Variants in ZNF426 observed in about 807,000 individuals in gnomAD.
ZNF426 encodes CTC-543D15.7.
Under a neutral mutation model 24.0 loss-of-function variants are expected in ZNF426, and 23 were observed. That is an observed-to-expected ratio of 0.96 (90% CI 0.69 to 1.36). ZNF426 has a LOEUF of 1.36. Ranked by LOEUF, ZNF426 falls within the 40% of genes most tolerant of loss-of-function variation. ZNF426 has a pLI of 0.00. For missense variants in ZNF426, 646 were observed against 658.4 expected (o/e 0.98, Z 0.21); for synonymous variants, 272 against 224.6 (o/e 1.21, Z -1.89).
chr19:9,535,338 C>G (rs769910667), intron 3 of ZNF426, 59 bp from the exon 4 acceptor site: 40 of 1,260,280 alleles, frequency 3.2e-5, no homozygotes, highest in Non-Finnish European at 4.6e-5. Flanking sequence ...CATCCACCTA[C>G]CTAGAGGTCA....
intron 5 of ZNF426, 112 bp downstream of exon 5, chr19:9,533,728 T>C (rs2073922287): frequency 1.4e-6 from 2 of 1,421,022 alleles, no homozygotes; most frequent in South Asian, 1.2e-5. Flanking sequence ...ACAGGGACTA[T>C]GTCTCTGTTA....
At position 9,536,385 on chromosome 19, in the gene ZNF426, C is replaced by T. The variant is rs2073965995; in HGVS notation, c.-124-29G>A. On this transcript the variant is annotated intron_variant, in intron 2 of 7. Coordinates refer to ENST00000253115, the MANE Select transcript of ZNF426 (RefSeq NM_024106.3). ...TTGGTATTAATCAATAATCAACAAG[C>T]AGTACTTAATCATCAGCCATCAAAC... The T allele has an allele frequency of 1.9e-6, 3 of 1,544,604 alleles. No homozygotes were observed. In the African/African-American group the frequency reaches 4.1e-5, roughly 21 times the overall value.
In ZNF426 at chr19:9,529,348, A is replaced by C; in HGVS notation, c.697T>G (p.Phe233Val). The C allele has an allele frequency of 6.2e-7, 1 of 1,614,216 alleles. No homozygotes were observed. The highest frequency in any genetic ancestry group is 1.1e-5 in the South Asian group (1 of 91,068). The change falls in exon 8 of 8, where the codon TTC becomes GTC. Residue 233 changes from phenylalanine (F) to valine (V), a missense_variant. Phe to Val is a conservative substitution (Grantham distance 50). Coordinates refer to ENST00000253115, the MANE Select transcript of ZNF426 (RefSeq NM_024106.3). ...SFECSHCGKS[F>V]INESYLQAHM... ...GCCTGAAGGTATGACTCATTAATGA[A>C]GGATTTTCCACAGTGACTACATTCA...
chr19:9,529,718 AAT>A, intron 7 of ZNF426, 82 bp from the exon 8 acceptor site: 1 of 1,355,456 alleles, frequency 7.4e-7, no homozygotes. Context: ...GAAACATTAT[AAT>A]GGTGATTATA....
In ZNF426 at chr19:9,532,402, T is replaced by C. The variant is rs116364217; in HGVS notation, c.325+443A>G. 7.4e-3 allele frequency among the ~76,000 whole-genome samples: 1,100 copies of C among 148,744 alleles called. 23 individuals are homozygous for C. The highest frequency in any genetic ancestry group is 0.026 in the African/African-American group (1,060 of 40,518). On this transcript the variant is annotated intron_variant, in intron 6 of 7. Coordinates refer to ENST00000253115, the MANE Select transcript of ZNF426 (RefSeq NM_024106.3). ...GCCTTGACCTCCTAGTCTCAATCCA[T>C]CCTCACAGCTCAGTCTCCTGAGTTA...
At chr19:9,537,265 C>T (rs1029688886) in intron 2 of ZNF426, among the ~76,000 whole-genome samples, 1 of 151,866 alleles carries the variant, frequency 6.6e-6, no homozygotes, top group African/African-American at 2.4e-5. Context: ...ATCCATGAAC[C>T]AAATTCACAA....
chr19:9,533,729 GTC>G (rs765555638), intron 5 of ZNF426, 109 bp downstream of exon 5: 51 of 1,458,196 alleles, frequency 3.5e-5, no homozygotes, highest in Non-Finnish European at 3.9e-5. Context: ...CAGGGACTAT[GTC>G]TCTGTTATTT....
intron 2 of ZNF426, among the ~76,000 whole-genome samples, chr19:9,536,993 C>A (rs1020933074): frequency 1.3e-5 from 2 of 151,732 alleles, no homozygotes; most frequent in Non-Finnish European, 2.9e-5. Flanking sequence ...ATTAGCCGGG[C>A]GTGGTGTGCG....
rs201380312 is a variant in ZNF426 at position 9,536,225 on chromosome 19, G to A, written c.8C>T (p.Ala3Val). Residue 3 changes from alanine to valine, a missense_variant, in exon 3 of 8, where the codon GCT becomes GTT. Physicochemically the swap from Ala to Val is moderately conservative, Grantham distance 64. Transcript: ENST00000253115. Reference sequence around the variant, plus strand: ...GAGCTTACCATGGGACAAATCAGCAGCTGCCATCCCGCGAGGTGAGAACGT... The same window carrying A: ...GAGCTTACCATGGGACAAATCAGCAACTGCCATCCCGCGAGGTGAGAACGT... MA[A>V]ADLSHGHYLS... 1 of 1,614,184 alleles carries A rather than the reference G, an allele frequency of 6.2e-7. No homozygotes were observed. The highest frequency in any genetic ancestry group is 2.2e-5 in the East Asian group (1 of 44,882).
chr19:9,531,812 G>A (rs1010121572), intron 6 of ZNF426, among the ~76,000 whole-genome samples: 5 of 152,064 alleles, frequency 3.3e-5, no homozygotes, highest in South Asian at 4.1e-4. Context: ...GTGAAACCCC[G>A]TCTCTACTAA....
In ZNF426 at chr19:9,533,870, G is replaced by C. The variant is rs1239685721; in HGVS notation, c.214C>G (p.Leu72Val). Residue 72 changes from leucine (L) to valine (V), a missense_variant, in exon 5 of 8, where the codon CTG (leucine) becomes GTG (valine). Transcript: ENST00000253115. ...GTGGCCAGGTTCTTGTAGTTCTCCA[G>C]CATCACGTCACTGTAGAGGCTTCTC... Reference protein sequence around the residue: ...TQRSLYSDVMLENYKNLATVG... With the variant: ...TQRSLYSDVMVENYKNLATVG... 1.5e-5 allele frequency: 25 copies of C among 1,614,142 alleles called. No individual in the cohort carries two copies. Among genetic ancestry groups the C allele is most frequent in the Non-Finnish European group, 1.9e-5 (22 of 1,179,988 alleles).
In ZNF426 at chr19:9,529,004, C is replaced by A; in HGVS notation, c.1041G>T (p.Gln347His). 1.2e-6 allele frequency: 2 copies of A among 1,611,988 alleles called. No homozygotes were observed. The highest frequency in any genetic ancestry group is 1.7e-6 in the Non-Finnish European group (2 of 1,179,310). ...GTACATGCATACTAAGGCCCGAGTA[C>A]TGAGTGAAGGCTTTCCCACATTCCT... ...VCKECGKAFT[Q>H]YSGLSMHVRS... The change falls in exon 8 of 8, where the codon CAG becomes CAT. Residue 347 changes from glutamine to histidine, a missense_variant. Transcript: ENST00000253115.
intron 2 of ZNF426, among the ~76,000 whole-genome samples, chr19:9,537,593 T>A (rs1415106116): frequency 7.3e-6 from 1 of 136,078 alleles, no homozygotes; most frequent in Non-Finnish European, 1.6e-5. Context: ...CCCAGCCAGC[T>A]TTTTTTTTTT....
chr19:9,528,347 C>G lies in ZNF426; in HGVS notation c.*33G>C. 1 of 1,535,454 alleles carries G rather than the reference C, an allele frequency of 6.5e-7. No homozygotes were observed. The highest frequency in any genetic ancestry group is 8.8e-7 in the Non-Finnish European group (1 of 1,142,066). ...TAAAGTGAACTGGAACAAATGAGAG[C>G]TTTCCCACATTTATTACATGGACAG... On this transcript the variant is annotated 3_prime_UTR_variant, in exon 8 of 8. Transcript: ENST00000253115.
chr19:9,536,212 G>A lies in ZNF426; in HGVS notation c.21C>T (p.Ser7=), dbSNP rs2073963093. 6.2e-7 allele frequency: 1 copy of A among 1,613,958 alleles called. No homozygotes were observed. The highest frequency in any genetic ancestry group is 8.5e-7 in the Non-Finnish European group (1 of 1,180,028). The change falls in exon 3 of 8, where the codon TCC becomes TCT. Residue 7 remains serine (S), a synonymous_variant. Transcript: ENST00000253115. The stretch of plus-strand genomic sequence containing the variant: ...AAAAAGAGCAACAGAGCTTACCATG[G>A]GACAAATCAGCAGCTGCCATCCCGC... MAAADL[S]HGHYLSGDPV... is the part of the protein sequence containing the mutation.
In ZNF426 at chr19:9,525,088, A is replaced by T. The variant is rs1264783622; in HGVS notation, c.*3292T>A. 6.6e-6 allele frequency: 1 copy of T among 151,086 alleles called. No individual in the cohort carries two copies. The highest frequency in any genetic ancestry group is 1.5e-5 in the Non-Finnish European group (1 of 67,794). 9.4% of individuals were successfully genotyped at this position (151,086 alleles called of 1,614,324 possible). On this transcript the variant is annotated 3_prime_UTR_variant, in exon 8 of 8. Transcript: ENST00000253115. The stretch of plus-strand genomic sequence containing the variant: ...CACAGTGAAACCCCGTCTCTACTAA[A>T]AATACAAAAAATTAGCCGGGCGTGG...
intron 3 of ZNF426, 31 bp downstream of exon 3, chr19:9,536,177 A>G (rs772762855): frequency 6.2e-7 from 1 of 1,614,048 alleles, no homozygotes; most frequent in East Asian, 2.2e-5. Flanking sequence ...AACCTAGAAC[A>G]GGATATCCTA....
intron 6 of ZNF426, among the ~76,000 whole-genome samples, chr19:9,532,141 G>A (rs927477817): frequency 6.6e-6 from 1 of 152,096 alleles, no homozygotes; most frequent in African/African-American, 2.4e-5. Context: ...CACAGGTGGT[G>A]TACACAGTGT....
rs756487356 is a variant in ZNF426 at position 9,533,928 on chromosome 19, G to C, written c.156C>G (p.Thr52=). The change falls in exon 5 of 8, where the codon ACC becomes ACG. Residue 52 remains threonine, a synonymous_variant. Transcript: ENST00000253115. ...VTFDDVAVDF[T]QEEWTLLDST... ...AGTCCAGTAAAGTCCACTCCTCCTG[G>C]GTGAAGTCCACAGCCACATCGTCAA... The C allele has an allele frequency of 1.9e-6, 3 of 1,613,858 alleles. No homozygotes were observed.
Sources: allele counts gnomAD v4.1 joint callset (sites outside exome capture counted in the v4.1 genomes callset), GRCh38; gene constraint gnomAD v4.1.1; transcripts MANE v1.5; gene names NCBI Gene and HGNC (gene_info 2026-07-23, HGNC 2026-07-21).